Variants in LPA observed in about 807,000 individuals in gnomAD.
LPA encodes apolipoprotein(a).
In LPA, 199 loss-of-function variants were observed where a neutral mutation model predicts 197.9. The ratio of observed to expected loss-of-function variants is 1.01; its 90% CI spans 0.90 to 1.13. LPA has a LOEUF of 1.13. LPA is among the 50% of genes most tolerant of loss of function. LPA has a pLI of 0.00. For missense variants in LPA, 1,853 were observed against 1,785.8 expected (o/e 1.04, Z -0.68); for synonymous variants, 715 against 639.5 (o/e 1.12, Z -1.78).
chr6:160,591,233 A>C, intron 22 of LPA, 132 bp from the exon 23 acceptor site: 2 of 1,141,606 alleles, frequency 1.8e-6, no homozygotes, highest in South Asian at 1.4e-5. Flanking sequence ...GTCCTGTAAC[A>C]ATCACAAATC....
intron 33 of LPA, among the ~76,000 whole-genome samples, chr6:160,544,521 G>A (rs201927802): frequency 7.2e-5 from 11 of 152,036 alleles, no homozygotes; most frequent in Non-Finnish European, 1.5e-4. Context: ...CAAATGTGAC[G>A]ATGGGCAGTG....
intron 28 of LPA, among the ~76,000 whole-genome samples, chr6:160,558,353 T>A (rs1018861185): frequency 1.3e-5 from 2 of 152,190 alleles, no homozygotes; most frequent in Admixed American, 1.3e-4. Context: ...TCCAACATGA[T>A]ACCATTCCCA....
intron 22 of LPA, among the ~76,000 whole-genome samples, chr6:160,592,570 C>T (rs1302115618): frequency 1.3e-5 from 2 of 152,192 alleles, no homozygotes; most frequent in South Asian, 2.1e-4. Flanking sequence ...TTATGGATCA[C>T]AGTGAAAACT....
rs566964359 is a variant in LPA at position 160,540,098 on chromosome 6, A to T, written c.5680T>A (p.Ser1894Thr). 8.1e-6 allele frequency: 13 copies of T among 1,614,098 alleles called. No individual in the cohort carries two copies. The African/African-American group carries it at 1.1e-4, about 13-fold the overall frequency. Residue 1894 changes from serine (S) to threonine (T), a missense_variant, in exon 36 of 39, where the codon TCT becomes ACT. Physicochemically the swap from Ser to Thr is moderately conservative, Grantham distance 58 (BLOSUM62 1). Coordinates refer to ENST00000316300, the MANE Select transcript of LPA (RefSeq NM_005577.4). The stretch of plus-strand genomic sequence containing the variant: ...TGTGTGGGCTCCAAGAACAGCCTAG[A>T]CACTTCTATTTCCTGAACATGAGAT... Reference protein sequence around the residue: ...LESHVQEIEVSRLFLEPTQAD... With the variant: ...LESHVQEIEVTRLFLEPTQAD...
intron 34 of LPA, among the ~76,000 whole-genome samples, chr6:160,542,344 A>C (rs1198582010): frequency 6.6e-6 from 1 of 152,168 alleles, no homozygotes; most frequent in Non-Finnish European, 1.5e-5. Context: ...ATTTCTAAAA[A>C]CTTCCCTTTC....
At chr6:160,587,427 T>C (rs1347186782) in intron 24 of LPA, among the ~76,000 whole-genome samples, 1 of 152,218 alleles carries the variant, frequency 6.6e-6, no homozygotes, top group Non-Finnish European at 1.5e-5. Context: ...GCTGTGGTCT[T>C]AGATCAACAG....
At chr6:160,546,308 T>C (rs1239450930) in intron 32 of LPA, among the ~76,000 whole-genome samples, 1 of 152,118 alleles carries the variant, frequency 6.6e-6, no homozygotes, top group Non-Finnish European at 1.5e-5. Flanking sequence ...CCAACAAGAC[T>C]GCACTTGGAG....
intron 26 of LPA, among the ~76,000 whole-genome samples, chr6:160,579,869 C>T (rs888946596): frequency 2.0e-5 from 3 of 152,182 alleles, no homozygotes; most frequent in African/African-American, 7.2e-5. Flanking sequence ...CAGATACCTG[C>T]TCTGTTTTTC....
At chr6:160,576,717 T>TATAC (rs1189099360) in intron 28 of LPA, among the ~76,000 whole-genome samples, 2 of 144,284 alleles carry the variant, frequency 1.4e-5, no homozygotes, top group South Asian at 2.2e-4. Flanking sequence ...TATATATATA[T>TATAC]ACACATCTTA....
chr6:160,531,831 G>C lies in LPA; in HGVS notation c.6021C>G (p.Val2007=). ...GTGCACAGCCAAGACCCCAAGAAGT[G>C]ACTCCTTGTAAAATGTATTTGTCCT... ...FEKDKYILQG[V]TSWGLGCARP... The change falls in exon 39 of 39, where the codon GTC becomes GTG. Residue 2007 remains valine, a synonymous_variant. Coordinates refer to ENST00000316300, the MANE Select transcript of LPA (RefSeq NM_005577.4). 6.2e-7 allele frequency: 1 copy of C among 1,614,098 alleles called. No homozygotes were observed. The highest frequency in any genetic ancestry group is 8.5e-7 in the Non-Finnish European group (1 of 1,180,004).
rs757574674 is a variant in LPA, at chr6:160,548,461, A to T, written c.5155+17T>A. ...AGAGAGGTATGTGCTAGACAAGGTA[A>T]GACACAGACTTCTTACCTTGTTCAG... On this transcript the variant is annotated intron_variant, in intron 31 of 38. Coordinates refer to ENST00000316300, the MANE Select transcript of LPA (RefSeq NM_005577.4). 109 of 1,613,086 alleles carry T rather than the reference A, an allele frequency of 6.8e-5. No homozygotes were observed. Among genetic ancestry groups the T allele is most frequent in the Non-Finnish European group, 8.9e-5 (105 of 1,179,666 alleles).
At chr6:160,576,376 A>ATG (rs1562327930) in intron 28 of LPA, among the ~76,000 whole-genome samples, 1 of 39,192 alleles carries the variant, frequency 2.6e-5, no homozygotes, top group African/African-American at 1.4e-4. Context: ...ACATATATAT[A>ATG]TATATATATA....
At chr6:160,660,632 A>G (rs927722705) in intron 1 of LPA, among the ~76,000 whole-genome samples, 4 of 152,178 alleles carry the variant, frequency 2.6e-5, no homozygotes, top group Non-Finnish European at 5.9e-5. Context: ...ATTGGTTGTA[A>G]CACTGTCACT....
chr6:160,582,195 A>G (rs938903779), intron 26 of LPA, among the ~76,000 whole-genome samples: 1 of 150,836 alleles, frequency 6.6e-6, no homozygotes, highest in East Asian at 1.9e-4. Context: ...GTGTTATTCC[A>G]TTGTTTCTGA....
chr6:160,652,017 A>G (rs1284179898), intron 1 of LPA, among the ~76,000 whole-genome samples: 1 of 31,930 alleles, frequency 3.1e-5, no homozygotes, highest in Admixed American at 2.3e-4. Context: ...AGTTCCTGAC[A>G]AAAAAAAAAA....
intron 8 of LPA, among the ~76,000 whole-genome samples, chr6:160,632,275 A>T (rs1779705015): frequency 9.3e-6 from 1 of 107,876 alleles, no homozygotes; most frequent in Admixed American, 8.8e-5. Flanking sequence ...ACGCAATTCT[A>T]ATCATTTCTC....
chr6:160,606,906 G>C (rs953677275), intron 16 of LPA, among the ~76,000 whole-genome samples: 1 of 152,134 alleles, frequency 6.6e-6, no homozygotes. Context: ...GAAACACTGA[G>C]ATAATACATA....
At chr6:160,654,065 T>TA (rs1367044650) in intron 1 of LPA, among the ~76,000 whole-genome samples, 187 of 17,670 alleles carry the variant, frequency 0.011, 34 homozygotes, top group Non-Finnish European at 0.018. Context: ...ATTATATATA[T>TA]TATATATAAT....
intron 15 of LPA, 117 bp from the exon 16 acceptor site, chr6:160,611,838 T>C (rs1779531760): frequency 1.0e-6 from 1 of 965,724 alleles, no homozygotes; most frequent in Non-Finnish European, 1.5e-6. Context: ...ATCTTTCCCT[T>C]ACCTGTAGGC....
Sources: allele counts gnomAD v4.1 joint callset (sites outside exome capture counted in the v4.1 genomes callset), GRCh38; gene constraint gnomAD v4.1.1; transcripts MANE v1.5; gene names NCBI Gene and HGNC (gene_info 2026-07-23, HGNC 2026-07-21).